The following ARHGAP15 variants were observed in gnomAD, a reference collection of about 807,000 sequenced individuals.
ARHGAP15 encodes rho GTPase-activating protein 15.
Under a neutral mutation model 63.7 loss-of-function variants are expected in ARHGAP15, and 51 were observed. The observed-to-expected ratio is 0.80, with a 90% CI of 0.64 to 1.01. The LOEUF (loss-of-function observed/expected upper bound fraction) is 1.01, where lower values mean the gene tolerates loss of function less well. Among genes scored for constraint, ARHGAP15 ranks in the 50% least tolerant of loss-of-function variants. ARHGAP15 has a pLI of 0.00. For synonymous variants in ARHGAP15, 191 were observed against 193.8 expected (o/e 0.99, Z 0.12); for missense variants, 560 against 564.6 (o/e 0.99, Z 0.08).
intron 13 of ARHGAP15, among the ~76,000 whole-genome samples, chr2:143,755,283 G>C (rs893478267): frequency 1.1e-4 from 17 of 148,734 alleles, no homozygotes; most frequent in East Asian, 6.2e-4. Context: ...ATGGGGGGGG[G>C]GGATCTATAC....
In ARHGAP15 at chr2:143,667,640, C is replaced by A. The variant is rs148763608; in HGVS notation, c.1139-35779C>A. Among the ~76,000 whole-genome samples the A allele has an allele frequency of 5.2e-3, 772 of 148,552 alleles. 7 individuals are homozygous for A. The highest frequency in any genetic ancestry group is 0.018 in the African/African-American group (725 of 40,190). ...CTCAAGGGAAGTTTGTTAATTTAAT[C>A]TTTGGGAAAATGCAATTTATCATAA... On this transcript the variant is annotated intron_variant, in intron 12 of 13. Coordinates refer to ENST00000295095, the MANE Select transcript of ARHGAP15 (RefSeq NM_018460.4).
At chr2:143,556,212 G>T (rs1208346858) in intron 10 of ARHGAP15, among the ~76,000 whole-genome samples, 196 bp from the exon 11 acceptor site, 2 of 151,954 alleles carry the variant, frequency 1.3e-5, no homozygotes, top group Non-Finnish European at 2.9e-5. Flanking sequence ...CAAATTTATT[G>T]ATGATAATTT....
chr2:143,365,338 C>T (rs1686250540), intron 6 of ARHGAP15, among the ~76,000 whole-genome samples: 1 of 152,216 alleles, frequency 6.6e-6, no homozygotes, highest in Admixed American at 6.5e-5. Flanking sequence ...AATGCTTTGG[C>T]ACAAGACTCT....
chr2:143,414,693 G>C (rs933544603), intron 6 of ARHGAP15, among the ~76,000 whole-genome samples: 3 of 152,196 alleles, frequency 2.0e-5, no homozygotes, highest in Admixed American at 6.5e-5. Context: ...CAACACTTTG[G>C]ATGGCGAAGG....
chr2:143,327,827 G>T (rs1291884343), intron 6 of ARHGAP15, among the ~76,000 whole-genome samples: 1 of 152,028 alleles, frequency 6.6e-6, no homozygotes, highest in Non-Finnish European at 1.5e-5. Context: ...ACTACAGAAT[G>T]GGAGACAAGT....
intron 6 of ARHGAP15, among the ~76,000 whole-genome samples, chr2:143,276,271 G>A (rs545324167): frequency 1.2e-4 from 18 of 152,272 alleles, no homozygotes; most frequent in African/African-American, 3.8e-4. Flanking sequence ...CACTCTGTTA[G>A]ATCTTTCACG....
intron 6 of ARHGAP15, among the ~76,000 whole-genome samples, chr2:143,378,152 A>G (rs1413385428): frequency 2.6e-5 from 4 of 152,060 alleles, no homozygotes; most frequent in African/African-American, 9.7e-5. Flanking sequence ...GTTTCAATTC[A>G]GCAAAGCAGG....
intron 6 of ARHGAP15, among the ~76,000 whole-genome samples, chr2:143,407,336 T>C (rs951122659): frequency 2.6e-5 from 4 of 151,904 alleles, no homozygotes; most frequent in Non-Finnish European, 5.9e-5. Context: ...GTGTTTAATA[T>C]TTCTGTGATT....
intron 6 of ARHGAP15, among the ~76,000 whole-genome samples, chr2:143,348,138 CAT>C (rs1685382937): frequency 6.6e-6 from 1 of 152,076 alleles, no homozygotes; most frequent in Non-Finnish European, 1.5e-5. Context: ...GCACTAAGGT[CAT>C]ATGTCACAGT....
At chr2:143,509,343 A>AAT (rs1553492423) in intron 9 of ARHGAP15, among the ~76,000 whole-genome samples, 21 of 151,914 alleles carry the variant, frequency 1.4e-4, no homozygotes, top group Admixed American at 2.6e-4. Context: ...AAAAAAAAAA[A>AAT]AAATAAGTAA....
At chr2:143,361,756 T>C (rs1053363385) in intron 6 of ARHGAP15, among the ~76,000 whole-genome samples, 3 of 152,134 alleles carry the variant, frequency 2.0e-5, no homozygotes, top group African/African-American at 7.2e-5. Context: ...CTACCATAGG[T>C]TCATAAACAA....
At chr2:143,668,168 T>C (rs1237952635) in intron 12 of ARHGAP15, among the ~76,000 whole-genome samples, 1 of 152,112 alleles carries the variant, frequency 6.6e-6, no homozygotes, top group East Asian at 1.9e-4. Context: ...TCAAATCTCA[T>C]AGGATAGAAA....
At chr2:143,227,894 A>T (rs546533902) in intron 4 of ARHGAP15, among the ~76,000 whole-genome samples, 2 of 152,244 alleles carry the variant, frequency 1.3e-5, no homozygotes, top group African/African-American at 4.8e-5. Context: ...ACACATTTTT[A>T]GGGATTTTTA....
At chr2:143,493,651 C>T (rs767469517) in intron 9 of ARHGAP15, among the ~76,000 whole-genome samples, 1 of 152,056 alleles carries the variant, frequency 6.6e-6, no homozygotes, top group Non-Finnish European at 1.5e-5. Flanking sequence ...GCTTTTTTCC[C>T]CCTGAGTATC....
At chr2:143,328,372 A>C (rs929940689) in intron 6 of ARHGAP15, among the ~76,000 whole-genome samples, 1 of 152,254 alleles carries the variant, frequency 6.6e-6, no homozygotes, top group Non-Finnish European at 1.5e-5. Context: ...TGGATAAAGA[A>C]AATGTGGCAC....
intron 12 of ARHGAP15, among the ~76,000 whole-genome samples, chr2:143,665,108 C>G (rs925900999): frequency 6.6e-6 from 1 of 151,594 alleles, no homozygotes; most frequent in African/African-American, 2.4e-5. Context: ...GGCAGAGACA[C>G]AACCAAAAAA....
At chr2:143,276,602 T>C (rs2105068266) in intron 6 of ARHGAP15, among the ~76,000 whole-genome samples, 2 of 152,304 alleles carry the variant, frequency 1.3e-5, no homozygotes, top group East Asian at 3.9e-4. Flanking sequence ...TCTCATTACA[T>C]TTTGCATCTT....
intron 6 of ARHGAP15, among the ~76,000 whole-genome samples, chr2:143,329,190 TA>T (rs1301825626): frequency 6.6e-6 from 1 of 152,226 alleles, no homozygotes; most frequent in African/African-American, 2.4e-5. Context: ...TAGGTTACAT[TA>T]TACGGCAAAG....
intron 1 of ARHGAP15, among the ~76,000 whole-genome samples, chr2:143,135,943 G>A (rs751402990): frequency 6.6e-6 from 1 of 152,146 alleles, no homozygotes; most frequent in African/African-American, 2.4e-5. Flanking sequence ...TCTCTTAGCA[G>A]TAAAACTATA....
Sources: gnomAD v4.1 joint callset for allele counts (sites outside exome capture counted in the v4.1 genomes callset) on GRCh38, gnomAD v4.1.1 for gene constraint, MANE v1.5 for transcripts, NCBI Gene and HGNC (gene_info 2026-07-23, HGNC 2026-07-21) for gene names.